Variants in SIPA1L1 observed in about 807,000 individuals in gnomAD.
The protein encoded by SIPA1L1 is signal induced proliferation associated 1 like 1.
In SIPA1L1, 26 loss-of-function variants were observed where a neutral mutation model predicts 162.7. The observed-to-expected ratio is 0.16, with a 90% confidence interval of 0.12 to 0.22. The LOEUF (loss-of-function observed/expected upper bound fraction) is 0.22, where lower values mean the gene tolerates loss of function less well. Among genes scored for constraint, SIPA1L1 ranks in the 10% least tolerant of loss-of-function variants. SIPA1L1 has a pLI of 1.00. For missense variants in SIPA1L1, 1,874 were observed against 2,241.0 expected, an observed-to-expected ratio of 0.84 and a Z score of 3.31; for synonymous variants, 829 against 837.4, an observed-to-expected ratio of 0.99 and a Z score of 0.17.
At chr14:71,446,894 G>GGTTTTTTT (rs2045394010) in intron 2 of SIPA1L1, among the ~76,000 whole-genome samples, 1 of 87,406 alleles carries the variant, frequency 1.1e-5, no homozygotes, top group African/African-American at 4.4e-5. Flanking sequence ...GATGGGCTCT[G>GGTTTTTTT]TTTTTTTTTT....
intron 2 of SIPA1L1, among the ~76,000 whole-genome samples, chr14:71,415,546 G>A (rs149922168): frequency 5.8e-4 from 88 of 152,254 alleles, no homozygotes; most frequent in African/African-American, 2.0e-3. Flanking sequence ...CTGGTACTTC[G>A]AGAGGGAAGA....
intron 2 of SIPA1L1, among the ~76,000 whole-genome samples, chr14:71,453,880 T>C (rs1052525111): frequency 1.3e-4 from 19 of 150,862 alleles, no homozygotes; most frequent in African/African-American, 4.4e-4. Context: ...TGTAATCCCA[T>C]CTACTCGGTA....
At chr14:71,486,225 A>C (rs2048745591) in intron 2 of SIPA1L1, among the ~76,000 whole-genome samples, 1 of 152,254 alleles carries the variant, frequency 6.6e-6, no homozygotes, top group Admixed American at 6.5e-5. Flanking sequence ...TCTGCAATGA[A>C]ATTTCTGTTT....
chr14:71,426,863 A>G (rs1272936141), intron 2 of SIPA1L1, among the ~76,000 whole-genome samples: 4 of 152,188 alleles, frequency 2.6e-5, no homozygotes, highest in African/African-American at 9.7e-5. Context: ...TTCACTGTTG[A>G]TGTCACAGAA....
chr14:71,585,401 A>C (rs966911279), intron 4 of SIPA1L1, among the ~76,000 whole-genome samples: 4 of 152,158 alleles, frequency 2.6e-5, no homozygotes, highest in Non-Finnish European at 5.9e-5. Flanking sequence ...ATTGGTAAGA[A>C]ATTTTTATAT....
intron 4 of SIPA1L1, among the ~76,000 whole-genome samples, chr14:71,532,581 A>G (rs2053545541): frequency 6.6e-6 from 1 of 152,198 alleles, no homozygotes; most frequent in Non-Finnish European, 1.5e-5. Flanking sequence ...CTGGCCATAG[A>G]CCATTTAGTC....
intron 4 of SIPA1L1, among the ~76,000 whole-genome samples, chr14:71,544,127 G>A (rs141721673): frequency 1.2e-3 from 182 of 150,932 alleles, no homozygotes; most frequent in Non-Finnish European, 2.2e-3. Context: ...ATATATGCAC[G>A]TGTATGTATA....
chr14:71,597,645 A>C (rs1279106152), intron 5 of SIPA1L1, among the ~76,000 whole-genome samples: 1 of 152,122 alleles, frequency 6.6e-6, no homozygotes, highest in African/African-American at 2.4e-5. Flanking sequence ...TGTGTGTCAA[A>C]ATTAGAAGGG....
At chr14:71,498,166 G>A (rs2049936028) in intron 2 of SIPA1L1, among the ~76,000 whole-genome samples, 1 of 152,076 alleles carries the variant, frequency 6.6e-6, no homozygotes, top group African/African-American at 2.4e-5. Flanking sequence ...CTTTAAATTT[G>A]CTATGTTAAC....
chr14:71,388,350 T>C (rs575073681), intron 2 of SIPA1L1, among the ~76,000 whole-genome samples: 5 of 152,378 alleles, frequency 3.3e-5, no homozygotes, highest in South Asian at 2.1e-4. Context: ...ATTTATCTTA[T>C]GTATTTGGGA....
rs148547550 is a variant in SIPA1L1, at chr14:71,515,356, A to AT, written c.-362+2512dup. Reference sequence around the variant, plus strand: ...ATGAAAACTAATGGTTTGCTGAAACATATCTCTAGTGTATTCTATAGCAAT... The same window carrying AT: ...ATGAAAACTAATGGTTTGCTGAAACATTATCTCTAGTGTATTCTATAGCAAT... On this transcript the variant is annotated intron_variant, in intron 3 of 23. Coordinates refer to ENST00000381232, the MANE Select transcript of SIPA1L1 (RefSeq NM_001386936.1). Among the ~76,000 whole-genome samples the AT allele has an allele frequency of 3.3e-5, 5 of 152,350 alleles. No homozygotes were observed. The East Asian group carries it at 9.6e-4, about 29-fold the overall frequency.
intron 12 of SIPA1L1, among the ~76,000 whole-genome samples, chr14:71,673,483 G>A (rs1291770495): frequency 6.6e-6 from 1 of 152,158 alleles, no homozygotes; most frequent in African/African-American, 2.4e-5. Flanking sequence ...AAGATGACCA[G>A]TCCTACACCT....
chr14:71,609,728 A>G (rs971225338), intron 5 of SIPA1L1, among the ~76,000 whole-genome samples: 5 of 151,940 alleles, frequency 3.3e-5, no homozygotes, highest in East Asian at 1.9e-4. Context: ...CGGCCTCCCA[A>G]AGTGTTCGGA....
At chr14:71,449,984 T>C (rs953439701) in intron 2 of SIPA1L1, among the ~76,000 whole-genome samples, 7 of 152,190 alleles carry the variant, frequency 4.6e-5, no homozygotes, top group Non-Finnish European at 8.8e-5. Flanking sequence ...TTTTCTCAGA[T>C]CTTTTAGCTT....
intron 7 of SIPA1L1, among the ~76,000 whole-genome samples, chr14:71,637,457 C>A: frequency 6.6e-6 from 1 of 152,060 alleles, no homozygotes. Flanking sequence ...TCGAGTTGGG[C>A]GCAGTGACAC....
intron 10 of SIPA1L1, among the ~76,000 whole-genome samples, chr14:71,664,677 C>T (rs529449376): frequency 7.6e-4 from 116 of 152,082 alleles, no homozygotes; most frequent in Non-Finnish European, 1.4e-3. Flanking sequence ...TTTTTGTACC[C>T]CAAGTGCTTT....
rs754567865 is a variant in SIPA1L1 at position 71,588,663 on chromosome 14, G to A, written c.791G>A (p.Gly264Glu). 5 of 1,613,802 alleles carry A rather than the reference G, an allele frequency of 3.1e-6. No individual in the cohort carries two copies. The South Asian group carries it at 3.3e-5, about 11-fold the overall frequency. The change falls in exon 5 of 24, where the codon GGG (glycine) becomes GAG (glutamate). Residue 264 changes from glycine (G) to glutamate (E), a missense_variant. Gly to Glu is a moderately conservative substitution (Grantham distance 98). Transcript: ENST00000381232. This position sits in a 1 kb window ranked among gnomAD's most constrained non-coding sequence, Gnocchi z 4.3. ...GGTTTCTCTTTGGATGTAATAGACG[G>A]GCCTATCTCACAGAGAGAGAACCTC... ...GSGFSLDVID[G>E]PISQRENLRL...
chr14:71,704,726 A>G (rs1472795985), intron 15 of SIPA1L1: 1 of 1,611,972 alleles, frequency 6.2e-7, no homozygotes, highest in Non-Finnish European at 8.5e-7. Flanking sequence ...CTCAGCTTAC[A>G]GTTATAGAGG....
intron 4 of SIPA1L1, among the ~76,000 whole-genome samples, chr14:71,566,641 A>G (rs1054730336): frequency 1.7e-4 from 26 of 152,224 alleles, no homozygotes; most frequent in Admixed American, 1.6e-3. Flanking sequence ...TGGCTATTTA[A>G]GAAGTAGTGG....
Sources: gnomAD v4.1 joint callset for allele counts (sites outside exome capture counted in the v4.1 genomes callset) on GRCh38, gnomAD v4.1.1 for gene constraint, Gnocchi (gnomAD v3.1) non-coding constraint, MANE v1.5 for transcripts, NCBI Gene and HGNC (gene_info 2026-07-23, HGNC 2026-07-21) for gene names.